The following MACROD2 variants were observed in gnomAD, a reference collection of about 807,000 sequenced individuals.
MACROD2 encodes the protein mono-ADP ribosylhydrolase 2.
A neutral mutation model predicts 70.4 loss-of-function variants in MACROD2; 36 were observed. That is an observed-to-expected ratio of 0.51 (90% CI 0.39 to 0.68). MACROD2 has a LOEUF of 0.68. Ranked by LOEUF, MACROD2 falls within the 30% of genes least tolerant of loss-of-function variation. The probability of loss-of-function intolerance (pLI) is 0.00; values close to 1 mark genes in which losing one functional copy is unlikely to be tolerated. For missense variants in MACROD2, 496 were observed against 538.4 expected (o/e 0.92, Z 0.78); for synonymous variants, 172 against 178.8 (o/e 0.96, Z 0.30).
intron 8 of MACROD2, among the ~76,000 whole-genome samples, chr20:15,647,554 T>C (rs1340307791): frequency 6.6e-6 from 1 of 152,214 alleles, no homozygotes; most frequent in Non-Finnish European, 1.5e-5. Context: ...TACTGTTTTT[T>C]CTTTCCGTTT....
intron 3 of MACROD2, chr20:14,086,075 G>C (rs1381661081): frequency 4.2e-6 from 1 of 239,482 alleles, no homozygotes; most frequent in Non-Finnish European, 8.6e-6. Flanking sequence ...ATAAATACAA[G>C]CTCATCAAGC....
chr20:15,179,430 G>T (rs1327846087), intron 5 of MACROD2, among the ~76,000 whole-genome samples: 1 of 152,144 alleles, frequency 6.6e-6, no homozygotes, highest in Non-Finnish European at 1.5e-5. Flanking sequence ...CCGGAGGAGT[G>T]TCTGCACCTG....
intron 3 of MACROD2, among the ~76,000 whole-genome samples, chr20:14,424,258 A>G (rs2083909939): frequency 6.6e-6 from 1 of 152,146 alleles, no homozygotes; most frequent in African/African-American, 2.4e-5. Flanking sequence ...TTAAGAAAAT[A>G]TATAAAATAA....
chr20:15,387,352 T>G (rs1041176377), intron 6 of MACROD2, among the ~76,000 whole-genome samples: 1 of 132,862 alleles, frequency 7.5e-6, no homozygotes, highest in African/African-American at 2.7e-5. Flanking sequence ...CCCTCTCTGC[T>G]TCTATTCCTC....
At chr20:14,324,710 CA>C (rs944102193) in intron 3 of MACROD2, 1 of 152,022 alleles carries the variant, frequency 6.6e-6, no homozygotes, top group Non-Finnish European at 1.5e-5. Flanking sequence ...ATGGTATAGG[CA>C]AAACCAAAAT....
rs575100001 is a variant in MACROD2 at position 15,848,191 on chromosome 20, A to G, written c.646-14554A>G. On this transcript the variant is annotated intron_variant, in intron 8 of 17. Transcript: ENST00000684519. ...AAAATATGTTGAAACATCTGTATCA[A>G]TCACTCTCTCTCTCTCTTTCTCTCT... 2.5e-3 allele frequency among the ~76,000 whole-genome samples: 380 copies of G among 152,256 alleles called. 1 individual carries two copies. The highest frequency in any genetic ancestry group is 4.5e-3 in the Non-Finnish European group (309 of 68,022).
chr20:14,859,997 C>T (rs1428704591), intron 5 of MACROD2, among the ~76,000 whole-genome samples: 1 of 152,138 alleles, frequency 6.6e-6, no homozygotes, highest in East Asian at 1.9e-4. Flanking sequence ...GGACAACATT[C>T]TTAAAGGTCA....
chr20:16,006,880 A>G (rs1474338893), intron 15 of MACROD2, among the ~76,000 whole-genome samples: 2 of 152,178 alleles, frequency 1.3e-5, no homozygotes, highest in African/African-American at 4.8e-5. Flanking sequence ...TTTGATTAGA[A>G]CGACCTCTTT....
At chr20:14,385,974 A>G (rs1374661740) in intron 3 of MACROD2, among the ~76,000 whole-genome samples, 2 of 152,212 alleles carry the variant, frequency 1.3e-5, no homozygotes, top group Middle Eastern at 3.2e-3. Context: ...ATGCAAATGT[A>G]TTGAAGGCAT....
chr20:14,381,918 A>G (rs2083424111), intron 3 of MACROD2, among the ~76,000 whole-genome samples: 2 of 152,202 alleles, frequency 1.3e-5, no homozygotes, highest in Non-Finnish European at 2.9e-5. Context: ...CACTTGTCTC[A>G]ATCATATAGT....
chr20:15,191,927 T>TAGAGAGAG (rs371278497), intron 5 of MACROD2, among the ~76,000 whole-genome samples: 1,210 of 53,582 alleles, frequency 0.023, 31 homozygotes, highest in East Asian at 0.15. Context: ...TATATATATA[T>TAGAGAGAG]ATATAGAGAG....
chr20:15,624,530 A>T (rs1600681979), intron 8 of MACROD2, among the ~76,000 whole-genome samples: 1 of 152,218 alleles, frequency 6.6e-6, no homozygotes, highest in African/African-American at 2.4e-5. Context: ...ATATTATATT[A>T]TGTGCAGACC....
intron 3 of MACROD2, among the ~76,000 whole-genome samples, chr20:14,393,066 A>G (rs2083545341): frequency 1.3e-5 from 2 of 152,336 alleles, no homozygotes; most frequent in African/African-American, 4.8e-5. Context: ...TCCTCCCAAC[A>G]GTAAGCTTTT....
At chr20:14,995,245 C>T (rs2074939233) in intron 5 of MACROD2, among the ~76,000 whole-genome samples, 1 of 151,908 alleles carries the variant, frequency 6.6e-6, no homozygotes, top group Non-Finnish European at 1.5e-5. Context: ...TTTTATTTTA[C>T]TTGAAAATAA....
At chr20:14,775,143 A>G (rs1054597011) in intron 5 of MACROD2, among the ~76,000 whole-genome samples, 1 of 152,064 alleles carries the variant, frequency 6.6e-6, no homozygotes. Context: ...AAAAGAACAT[A>G]CCCAATGGCA....
intron 5 of MACROD2, among the ~76,000 whole-genome samples, chr20:14,790,329 C>T (rs904776360): frequency 6.6e-6 from 1 of 151,622 alleles, no homozygotes; most frequent in Non-Finnish European, 1.5e-5. Flanking sequence ...AAAGGTCAAT[C>T]CAAGGCCCAG....
intron 4 of MACROD2, among the ~76,000 whole-genome samples, chr20:14,580,215 T>C (rs1980917005): frequency 6.6e-6 from 1 of 152,238 alleles, no homozygotes; most frequent in African/African-American, 2.4e-5. Context: ...GTATTGTATA[T>C]GGTGGCTGAT....
intron 4 of MACROD2, among the ~76,000 whole-genome samples, chr20:14,509,861 C>T (rs1303589892): frequency 6.6e-6 from 1 of 151,892 alleles, no homozygotes; most frequent in African/African-American, 2.4e-5. Flanking sequence ...AGAACTTCTA[C>T]TGATTATGTA....
At chr20:14,691,751 AG>A (rs1262637080) in intron 5 of MACROD2, among the ~76,000 whole-genome samples, 2 of 152,176 alleles carry the variant, frequency 1.3e-5, no homozygotes, top group African/African-American at 4.8e-5. Context: ...ACATGCTGCT[AG>A]GAGTATGACT....
Sources: allele counts gnomAD v4.1 joint callset (sites outside exome capture counted in the v4.1 genomes callset), GRCh38; gene constraint gnomAD v4.1.1; transcripts MANE v1.5; gene names NCBI Gene and HGNC (gene_info 2026-07-23, HGNC 2026-07-21).